ELFN2: variants seen among roughly 807,000 people sequenced by gnomAD.
The protein encoded by ELFN2 is protein phosphatase 1 regulatory subunit 29.
A neutral mutation model predicts 45.5 loss-of-function variants in ELFN2; 17 were observed. That is an observed-to-expected ratio of 0.37 (90% CI 0.26 to 0.56). ELFN2 has a LOEUF of 0.56. ELFN2 is among the 20% of genes least tolerant of loss of function. The pLI, the probability that ELFN2 is intolerant of heterozygous loss-of-function variation, is 0.77. For missense variants in ELFN2, 922 were observed against 1,183.2 expected (o/e 0.78, Z 3.24); for synonymous variants, 550 against 551.5 (o/e 1.00, Z 0.04).
downstream of ELFN2, among the ~76,000 whole-genome samples, chr22:37,364,929 C>T (rs1471811656): frequency 2.0e-5 from 3 of 152,154 alleles, no homozygotes; most frequent in East Asian, 5.8e-4. Context: ...AAGGTACCTC[C>T]TAAATCTGAG....
At chr22:37,415,180 T>A (rs1376153123) in intron 2 of ELFN2, among the ~76,000 whole-genome samples, 1 of 141,276 alleles carries the variant, frequency 7.1e-6, no homozygotes, top group Non-Finnish European at 1.5e-5. Context: ...TGGCCATCAC[T>A]CTCAGTCCTC....
At chr22:37,346,094 C>T (rs1930689737) in intron 1 of ELFN2, among the ~76,000 whole-genome samples, 1 of 152,210 alleles carries the variant, frequency 6.6e-6, no homozygotes, top group Non-Finnish European at 1.5e-5. Flanking sequence ...ATAACACCGG[C>T]TTGAGGTTGA....
At chr22:37,420,863 C>T (rs780535316) in intron 1 of ELFN2, among the ~76,000 whole-genome samples, 9 of 152,308 alleles carry the variant, frequency 5.9e-5, no homozygotes, top group Non-Finnish European at 7.3e-5. Context: ...AGCTCAAGCT[C>T]CTCCTCTGGA....
intron 1 of ELFN2, among the ~76,000 whole-genome samples, chr22:37,422,561 C>T (rs542651122): frequency 1.3e-3 from 201 of 151,512 alleles, no homozygotes; most frequent in African/African-American, 4.5e-3. Flanking sequence ...AAAAATTAGC[C>T]GGGTGTGGTG....
At chr22:37,385,166 G>A (rs960288739) in intron 2 of ELFN2, 5 of 152,262 alleles carry the variant, frequency 3.3e-5, no homozygotes, top group Admixed American at 1.3e-4. Flanking sequence ...GGGGAGGGAT[G>A]GGCGGCCTCC....
rs1932773927 is a variant in ELFN2, at chr22:37,417,553, C to T, written c.-463+216G>A. ...CCTCCCCAGTGGGCTTGTCTTAGCC[C>T]CCAACAGGCCTGCCGCTCTGCAGGC... On this transcript the variant is annotated intron_variant, in intron 2 of 2. Coordinates refer to ENST00000402918, the MANE Select transcript of ELFN2 (RefSeq NM_052906.5). The surrounding 1 kb of genome is among the most constrained non-coding windows in gnomAD (Gnocchi z 4.5). Among the ~76,000 whole-genome samples the T allele has an allele frequency of 6.6e-6, 1 of 152,214 alleles. No homozygotes were observed. The highest frequency in any genetic ancestry group is 1.5e-5 in the Non-Finnish European group (1 of 68,034).
In ELFN2 at chr22:37,405,089, C is replaced by CTTTTTTTTTT. The variant is rs1491573989; in HGVS notation, c.-463+12679_-463+12680insAAAAAAAAAA. ...GGCCCCTCACCTCCCTGAACCTCAG[C>CTTTTTTTTTT]ATTTTTTTTTTTTTTTTTTTTTTGA... On this transcript the variant is annotated intron_variant, in intron 2 of 2. Transcript: ENST00000402918. Among the ~76,000 whole-genome samples the CTTTTTTTTTT allele has an allele frequency of 1.5e-4, 18 of 121,532 alleles. 2 individuals carry two copies. The highest frequency in any genetic ancestry group is 2.1e-4 in the African/African-American group (6 of 29,192). 79.7% of individuals were successfully genotyped at this position (121,532 alleles called of 152,430 possible). A position where few individuals can be genotyped will look rare whatever the true frequency, so the allele number is the denominator to read the frequency against.
intron 2 of ELFN2, among the ~76,000 whole-genome samples, chr22:37,404,253 G>A (rs2145674605): frequency 6.6e-6 from 1 of 152,330 alleles, no homozygotes; most frequent in East Asian, 1.9e-4. Context: ...TGCATCGGAG[G>A]GGCGGGAATG....
At chr22:37,355,036 T>C (rs1371378758) in intron 1 of ELFN2, among the ~76,000 whole-genome samples, 2 of 152,328 alleles carry the variant, frequency 1.3e-5, no homozygotes, top group Non-Finnish European at 2.9e-5. Flanking sequence ...TGAGAACAGA[T>C]GACATCTCTC....
intron 2 of ELFN2, among the ~76,000 whole-genome samples, chr22:37,392,356 C>T (rs1042608469): frequency 1.4e-5 from 2 of 142,404 alleles, no homozygotes; most frequent in Non-Finnish European, 3.0e-5. Flanking sequence ...CTCACTCTGT[C>T]GCCCAGGCTG....
At chr22:37,380,153 G>A (rs1392608818) in intron 2 of ELFN2, among the ~76,000 whole-genome samples, 3 of 152,260 alleles carry the variant, frequency 2.0e-5, no homozygotes, top group Admixed American at 1.3e-4. Context: ...CCGGACCCGG[G>A]GAGAGCCCCC....
At chr22:37,376,471 G>A (rs1191013723) in intron 2 of ELFN2, among the ~76,000 whole-genome samples, 1 of 152,090 alleles carries the variant, frequency 6.6e-6, no homozygotes, top group African/African-American at 2.4e-5. Context: ...ACGTGTCCAC[G>A]TACCCAAGCG....
At chr22:37,351,126 T>C (rs1382919894) in intron 1 of ELFN2, among the ~76,000 whole-genome samples, 1 of 150,120 alleles carries the variant, frequency 6.7e-6, no homozygotes, top group African/African-American at 2.4e-5. Context: ...AGTGCCCACC[T>C]GCCTGCCTCC....
At chr22:37,363,794 T>C (rs1404847674), downstream of ELFN2, among the ~76,000 whole-genome samples, 1 of 152,108 alleles carries the variant, frequency 6.6e-6, no homozygotes, top group African/African-American at 2.4e-5. Context: ...GAGGGGGCAA[T>C]GGCTGAGCTC....
chr22:37,387,695 C>T (rs557671400), intron 2 of ELFN2, among the ~76,000 whole-genome samples: 146 of 152,252 alleles, frequency 9.6e-4, no homozygotes, highest in African/African-American at 3.3e-3. Flanking sequence ...TCCCAGGCCG[C>T]GGCCCCTCGG....
In ELFN2 at chr22:37,372,425, G is replaced by C. The variant is rs1280791769; in HGVS notation, c.*647C>G. ...GGAAAGGGATGTGGGGTGGGCACAG[G>C]GCGGGCAGGGGTCCACAAGAGAGCT... On this transcript the variant is annotated 3_prime_UTR_variant, in exon 3 of 3. Coordinates refer to ENST00000402918, the MANE Select transcript of ELFN2 (RefSeq NM_052906.5). This position sits in a 1 kb window ranked among gnomAD's most constrained non-coding sequence, Gnocchi z 4.4. The C allele has an allele frequency of 6.6e-6, 1 of 152,556 alleles. No homozygotes were observed. Among genetic ancestry groups the C allele is most frequent in the Non-Finnish European group, 1.5e-5 (1 of 68,260 alleles). 9.5% of individuals were successfully genotyped at this position (152,556 alleles called of 1,614,324 possible). A position where few individuals can be genotyped will look rare whatever the true frequency, so the allele number is the denominator to read the frequency against.
At chr22:37,416,427 C>A (rs1932760122) in intron 2 of ELFN2, among the ~76,000 whole-genome samples, 2 of 152,202 alleles carry the variant, frequency 1.3e-5, no homozygotes, top group African/African-American at 4.8e-5. Context: ...GAGAACGGCA[C>A]TGGGTCAACA....
intron 2 of ELFN2, among the ~76,000 whole-genome samples, chr22:37,390,814 G>T (rs1331317752): frequency 6.6e-6 from 1 of 152,134 alleles, no homozygotes. Context: ...GACCATGACT[G>T]CCAGAAGGTT....
intron 1 of ELFN2, among the ~76,000 whole-genome samples, chr22:37,360,544 C>G (rs147629138): frequency 2.6e-5 from 4 of 152,278 alleles, no homozygotes; most frequent in Admixed American, 2.6e-4. Flanking sequence ...GGACCACGTA[C>G]CTCTGTACAC....
Sources: gnomAD v4.1 joint callset for allele counts (sites outside exome capture counted in the v4.1 genomes callset) on GRCh38, gnomAD v4.1.1 for gene constraint, Gnocchi (gnomAD v3.1) non-coding constraint, MANE v1.5 for transcripts, NCBI Gene and HGNC (gene_info 2026-07-23, HGNC 2026-07-21) for gene names.